Variants in OR6A2 observed in about 807,000 individuals in gnomAD.
OR6A2 encodes the protein olfactory receptor 6A2.
OR6A2 carries 6 observed loss-of-function variants against 7.1 expected under a neutral mutation model. The ratio of observed to expected loss-of-function variants is 0.85; its 90% CI spans 0.46 to 1.68. The LOEUF is 1.68. OR6A2 is among the 40% of genes most tolerant of loss of function. OR6A2 has a pLI of 0.01. For missense variants in OR6A2, 431 were observed against 398.0 expected, an observed-to-expected ratio of 1.08 and a Z score of -0.71; for synonymous variants, 162 against 152.1, an observed-to-expected ratio of 1.06 and a Z score of -0.48.
At position 6,793,881 on chromosome 11, in the gene OR6A2, C is replaced by T. The variant is rs1010298132; in HGVS notation, c.*844G>A. The T allele has an allele frequency of 2.6e-5, 4 of 152,082 alleles. No homozygotes were observed. Among genetic ancestry groups the T allele is most frequent in the Non-Finnish European group, 5.9e-5 (4 of 68,008 alleles). The allele number at this position is 152,082 out of a possible 1,614,324, so 9.4% of individuals were successfully genotyped here. A position where few individuals can be genotyped will look rare whatever the true frequency, so the allele number is the denominator to read the frequency against. The stretch of plus-strand genomic sequence containing the variant: ...TTATAAGTAAAAGTGTCTATCTGCA[C>T]AAATCTTTCCGAATCAGAATGGTTG... On this transcript the variant is annotated 3_prime_UTR_variant, in exon 2 of 2. Coordinates refer to ENST00000641196, the MANE Select transcript of OR6A2 (RefSeq NM_003696.3).
At position 6,795,501 on chromosome 11, in the gene OR6A2, G is replaced by C; in HGVS notation, c.208C>G (p.Leu70Val). The change falls in exon 2 of 2, where the codon CTG (leucine) becomes GTG (valine). Residue 70 changes from leucine to valine, a missense_variant. By Grantham distance (32) the Leu-to-Val change is conservative. Transcript: ENST00000641196. Reference sequence around the variant, plus strand: ...GTGACAGTGACATACCAGATCTCCAGAAAGGACATATTAGCTAGAAAAAAG... The same window carrying C: ...GTGACAGTGACATACCAGATCTCCACAAAGGACATATTAGCTAGAAAAAAG... The part of the protein sequence containing the change: ...MYFFLANMSF[L>V]EIWYVTVTIP... 1 of 1,614,120 alleles carries C rather than the reference G, an allele frequency of 6.2e-7. No homozygotes were observed. The highest frequency in any genetic ancestry group is 8.5e-7 in the Non-Finnish European group (1 of 1,180,002).
chr11:6,797,303 C>G (rs1167842335), intron 1 of OR6A2, among the ~76,000 whole-genome samples: 3 of 152,290 alleles, frequency 2.0e-5, no homozygotes, highest in African/African-American at 7.2e-5. Flanking sequence ...GCTGAGTCTT[C>G]AGGATCTTAT....
In OR6A2 at chr11:6,795,349, GAGA is replaced by G. The variant is rs777263772; in HGVS notation, c.357_359del (p.Leu120del). On this transcript the variant is annotated inframe_deletion, in exon 2 of 2. Transcript: ENST00000641196. ...TATAGCGATCATAGGCCATAACAGC[GAGA>G]AGGACACACTCAGTGCAGCCCAAGC... 1 of 1,613,972 alleles carries G rather than the reference GAGA, an allele frequency of 6.2e-7. No individual in the cohort carries two copies. Among genetic ancestry groups the G allele is most frequent in the South Asian group, 1.1e-5 (1 of 91,072 alleles).
intron 1 of OR6A2, among the ~76,000 whole-genome samples, chr11:6,798,194 T>C (rs1322100797): frequency 6.6e-6 from 1 of 152,182 alleles, no homozygotes; most frequent in African/African-American, 2.4e-5. Context: ...ATCTACTATG[T>C]CTAGAATAAC....
chr11:6,795,320 G>C lies in OR6A2; in HGVS notation c.389C>G (p.Ala130Gly). 6.2e-7 allele frequency: 1 copy of C among 1,614,030 alleles called. No homozygotes were observed. The highest frequency in any genetic ancestry group is 1.3e-5 in the African/African-American group (1 of 75,038). ...LAVMAYDRYMAICYPLHYPVI... is the reference protein window; with the variant it reads ...LAVMAYDRYMGICYPLHYPVI... ...TGGGTAGTGGAGAGGATAGCAGATG[G>C]CCATATAGCGATCATAGGCCATAAC... The change falls in exon 2 of 2, where the codon GCC (alanine) becomes GGC (glycine). Residue 130 changes from alanine to glycine, a missense_variant. Coordinates refer to ENST00000641196, the MANE Select transcript of OR6A2 (RefSeq NM_003696.3).
At chr11:6,797,900 T>C (rs1236134230) in intron 1 of OR6A2, among the ~76,000 whole-genome samples, 1 of 152,172 alleles carries the variant, frequency 6.6e-6, no homozygotes, top group Non-Finnish European at 1.5e-5. Context: ...CATGGCTACA[T>C]CCTATTTAGC....
chr11:6,795,087 C>T lies in OR6A2; in HGVS notation c.622G>A (p.Ala208Thr), dbSNP rs377074755. 5.8e-5 allele frequency: 94 copies of T among 1,613,886 alleles called. No homozygotes were observed. The highest frequency in any genetic ancestry group is 7.7e-5 in the Non-Finnish European group (91 of 1,180,002). Residue 208 changes from alanine (A) to threonine (T), a missense_variant, in exon 2 of 2, where the codon GCC (alanine) becomes ACC (threonine). Ala to Thr is a moderately conservative substitution (Grantham distance 58, BLOSUM62 0). Coordinates refer to ENST00000641196, the MANE Select transcript of OR6A2 (RefSeq NM_003696.3). ...AGTGGCCCTAGAAGAATAAAAATGG[C>T]CAGGATGAAATCTGTAAGCTCTGCT... ...STAELTDFIL[A>T]IFILLGPLSV...
At position 6,795,691 on chromosome 11, in the gene OR6A2, A is replaced by G. The variant is rs767012255; in HGVS notation, c.18T>C (p.His6=). 2.5e-6 allele frequency: 4 copies of G among 1,613,768 alleles called. No individual in the cohort carries two copies. The highest frequency in any genetic ancestry group is 2.2e-5 in the South Asian group (2 of 91,062). The part of the protein sequence containing the change: MEWRN[H]SGRVSEFVLL... Reference sequence around the variant, plus strand: ...ACACAAACTCACTCACTCTCCCACTATGGTTCCGCCACTCCATGTCATTGG... The same window carrying G: ...ACACAAACTCACTCACTCTCCCACTGTGGTTCCGCCACTCCATGTCATTGG... Residue 6 remains histidine, a synonymous_variant, in exon 2 of 2, where the codon CAT becomes CAC. Coordinates refer to ENST00000641196, the MANE Select transcript of OR6A2 (RefSeq NM_003696.3).
In OR6A2 at chr11:6,795,420, T is replaced by G; in HGVS notation, c.289A>C (p.Ile97Leu). 1 of 1,614,102 alleles carries G rather than the reference T, an allele frequency of 6.2e-7. No individual in the cohort carries two copies. Among genetic ancestry groups the G allele is most frequent in the East Asian group, 2.2e-5 (1 of 44,886 alleles). Residue 97 changes from isoleucine (I) to leucine (L), a missense_variant, in exon 2 of 2, where the codon ATC becomes CTC. Coordinates refer to ENST00000641196, the MANE Select transcript of OR6A2 (RefSeq NM_003696.3). The stretch of plus-strand genomic sequence containing the variant: ...TGTGTCATGCATCCCTCAAAGGAGA[T>G]TAGCTGTCCATGATCCTGTTTGGAT... ...VGSKQDHGQL[I>L]SFEGCMTQLY...
Position 6,794,571 on chromosome 11 carries a change from C to G in OR6A2, c.*154G>C. On this transcript the variant is annotated 3_prime_UTR_variant, in exon 2 of 2. Transcript: ENST00000641196. The stretch of plus-strand genomic sequence containing the variant: ...TCTAGCTTGCAACCTATTCCTCTCT[C>G]TCCTCTTGGACTAGTTAAAGAAAGT... 7.2e-6 allele frequency: 7 copies of G among 970,546 alleles called. No individual in the cohort carries two copies. The highest frequency in any genetic ancestry group is 9.0e-6 in the Non-Finnish European group (6 of 663,448). The allele number at this position is 970,546 out of a possible 1,614,324, so 60.1% of individuals were successfully genotyped here.
intron 1 of OR6A2, among the ~76,000 whole-genome samples, chr11:6,797,748 A>G (rs1279601899): frequency 6.6e-6 from 1 of 152,180 alleles, no homozygotes; most frequent in African/African-American, 2.4e-5. Flanking sequence ...TACAAGGCCT[A>G]TAGGCACTTC....
chr11:6,794,824 G>A lies in OR6A2; in HGVS notation c.885C>T (p.Tyr295=), dbSNP rs1847726545. 1.9e-6 allele frequency: 3 copies of A among 1,614,158 alleles called. No homozygotes were observed. The highest frequency in any genetic ancestry group is 2.5e-6 in the Non-Finnish European group (3 of 1,180,006). ...TCTTGACCTCTTGATTGCGCAGGCAGTAAATGATGGGATTGAGCAATGGTA... is the reference window on the plus strand; with the variant it reads ...TCTTGACCTCTTGATTGCGCAGGCAATAAATGATGGGATTGAGCAATGGTA... ...VIVPLLNPII[Y]CLRNQEVKRA... The change falls in exon 2 of 2, where the codon TAC becomes TAT. Residue 295 remains tyrosine, a synonymous_variant. Coordinates refer to ENST00000641196, the MANE Select transcript of OR6A2 (RefSeq NM_003696.3).
Position 6,795,196 on chromosome 11 carries a change from G to C in OR6A2, c.513C>G (p.Leu171=). The C allele has an allele frequency of 1.9e-6, 3 of 1,614,128 alleles. No homozygotes were observed. The highest frequency in any genetic ancestry group is 2.5e-6 in the Non-Finnish European group (3 of 1,180,008). Residue 171 remains leucine, a synonymous_variant, in exon 2 of 2, where the codon CTC becomes CTG. Transcript: ENST00000641196. ...SMVKVFLISG[L]SYCGPNIINH... is the part of the protein sequence containing the mutation. ...TGATGATGTTGGGGCCACAGTAAGA[G>C]AGGCCAGAAATAAGAAAAACTTTGA... is the stretch of plus-strand genomic sequence containing the variant.
In OR6A2 at chr11:6,793,802, CCT is replaced by C. The variant is rs1345185462; in HGVS notation, c.*921_*922del. The C allele has an allele frequency of 1.3e-5, 2 of 151,990 alleles. No homozygotes were observed. The highest frequency in any genetic ancestry group is 4.8e-5 in the African/African-American group (2 of 41,354). 9.4% of individuals were successfully genotyped at this position (151,990 alleles called of 1,614,324 possible). ...GAGCTACAATTTATTTGACCAGTGC[CCT>C]GTTTGCGAAAGTTGAGCATATTTTG... On this transcript the variant is annotated 3_prime_UTR_variant, in exon 2 of 2. Transcript: ENST00000641196.
Position 6,795,016 on chromosome 11 carries a change from C to T in OR6A2, c.693G>A (p.Met231Ile). ...AGCGTCCAGCAGCCGAAGGAATGTG[C>T]ATCACAGCACCAGTAATGGCCACAT... ...ASYVAITGAVMHIPSAAGRYK... is the reference protein window; with the variant it reads ...ASYVAITGAVIHIPSAAGRYK... The change falls in exon 2 of 2, where the codon ATG becomes ATA. Residue 231 changes from methionine (M) to isoleucine (I), a missense_variant. Met to Ile is a conservative substitution (Grantham distance 10). Transcript: ENST00000641196. 6.2e-7 allele frequency: 1 copy of T among 1,614,116 alleles called. No individual in the cohort carries two copies. Among genetic ancestry groups the T allele is most frequent in the South Asian group, 1.1e-5 (1 of 91,088 alleles).
At position 6,794,798 on chromosome 11, in the gene OR6A2, C is replaced by G; in HGVS notation, c.911G>C (p.Arg304Thr). The G allele has an allele frequency of 6.2e-7, 1 of 1,614,108 alleles. No homozygotes were observed. Among genetic ancestry groups the G allele is most frequent in the Non-Finnish European group, 8.5e-7 (1 of 1,179,986 alleles). ...CAGGTGCAGAGTACAGCATAGGGCT[C>G]TCTTGACCTCTTGATTGCGCAGGCA... ...IYCLRNQEVK[R>T]ALCCTLHLYQ... The change falls in exon 2 of 2, where the codon AGA becomes ACA. Residue 304 changes from arginine to threonine, a missense_variant. Transcript: ENST00000641196.
At chr11:6,797,431 C>G (rs932261948) in intron 1 of OR6A2, among the ~76,000 whole-genome samples, 4 of 152,236 alleles carry the variant, frequency 2.6e-5, no homozygotes, top group Admixed American at 1.3e-4. Context: ...CCTACAATTG[C>G]TGTTTATGAC....
rs1029305833 is a variant in OR6A2, at chr11:6,792,220, C to G, written c.*2505G>C. On this transcript the variant is annotated 3_prime_UTR_variant, in exon 2 of 2. Coordinates refer to ENST00000641196, the MANE Select transcript of OR6A2 (RefSeq NM_003696.3). Reference sequence around the variant, plus strand: ...CTGGTCAATGTGATGTTTTAGCAAACAGTGAAATACACTGGCTTATTAGTC... The same window carrying G: ...CTGGTCAATGTGATGTTTTAGCAAAGAGTGAAATACACTGGCTTATTAGTC... 6.6e-6 allele frequency: 1 copy of G among 152,122 alleles called. No homozygotes were observed. Among genetic ancestry groups the G allele is most frequent in the African/African-American group, 2.4e-5 (1 of 41,416 alleles). The allele number at this position is 152,122 out of a possible 1,614,324, so 9.4% of individuals were successfully genotyped here.
intron 1 of OR6A2, among the ~76,000 whole-genome samples, chr11:6,798,131 A>T (rs633207): frequency 0.12 from 18,911 of 152,150 alleles, 1,377 homozygotes; most frequent in South Asian, 0.23. Context: ...CACGTCCTTA[A>T]TGGTGGAGTA....
Sources: gnomAD v4.1 joint callset for allele counts (sites outside exome capture counted in the v4.1 genomes callset) on GRCh38, gnomAD v4.1.1 for gene constraint, MANE v1.5 for transcripts, NCBI Gene and HGNC (gene_info 2026-07-23, HGNC 2026-07-21) for gene names.